COL26A1: variants seen among roughly 807,000 people sequenced by gnomAD.
The protein encoded by COL26A1 is collagen type XXVI alpha 1 chain, also known as collagen alpha-1(XXVI) chain.
In COL26A1, 41 loss-of-function variants were observed where a neutral mutation model predicts 59.3. The observed-to-expected ratio is 0.69, with a 90% CI of 0.54 to 0.90. COL26A1 has a LOEUF of 0.90. Among genes scored for constraint, COL26A1 ranks in the 40% least tolerant of loss-of-function variants. The probability of loss-of-function intolerance (pLI) is 0.00; values close to 1 mark genes in which losing one functional copy is unlikely to be tolerated. For missense variants in COL26A1, 612 were observed against 602.3 expected, an observed-to-expected ratio of 1.02 and a Z score of -0.17; for synonymous variants, 266 against 256.0, an observed-to-expected ratio of 1.04 and a Z score of -0.37.
chr7:101,467,140 G>A (rs1280057066), intron 3 of COL26A1, among the ~76,000 whole-genome samples: 3 of 152,040 alleles, frequency 2.0e-5, no homozygotes, highest in Admixed American at 2.0e-4. Flanking sequence ...GTAGACAGAG[G>A]CCGGAAGTCA....
chr7:101,481,528 G>A (rs1794157273), intron 3 of COL26A1, among the ~76,000 whole-genome samples: 1 of 150,878 alleles, frequency 6.6e-6, no homozygotes, highest in Non-Finnish European at 1.5e-5. Context: ...ATAGCTCACT[G>A]CCATCTCAAA....
At chr7:101,504,745 T>G (rs1794771071) in intron 3 of COL26A1, among the ~76,000 whole-genome samples, 1 of 152,242 alleles carries the variant, frequency 6.6e-6, no homozygotes, top group Non-Finnish European at 1.5e-5. Flanking sequence ...AGCGATTCAG[T>G]GAATTTTCCA....
chr7:101,442,405 C>T (rs1793080846), intron 2 of COL26A1, among the ~76,000 whole-genome samples: 1 of 151,234 alleles, frequency 6.6e-6, no homozygotes, highest in Admixed American at 6.6e-5. Context: ...CGGCTCACTG[C>T]AACCTCCGCC....
At chr7:101,425,503 T>G (rs563181459) in intron 2 of COL26A1, among the ~76,000 whole-genome samples, 156 of 152,226 alleles carry the variant, frequency 1.0e-3, no homozygotes, top group Middle Eastern at 0.01. Flanking sequence ...CAGAGAACTC[T>G]GGGTTTTGTT....
intron 3 of COL26A1, among the ~76,000 whole-genome samples, chr7:101,449,172 C>T (rs1348672886): frequency 6.6e-6 from 1 of 152,120 alleles, no homozygotes; most frequent in African/African-American, 2.4e-5. Flanking sequence ...GAAGGACCTC[C>T]AAGGTGAAGG....
chr7:101,549,843 G>C (rs984845076), intron 9 of COL26A1, among the ~76,000 whole-genome samples: 1 of 152,190 alleles, frequency 6.6e-6, no homozygotes, highest in Non-Finnish European at 1.5e-5. Flanking sequence ...AGGCAGAGTT[G>C]GGCCAGGTCA....
At chr7:101,442,164 T>C (rs1351362654) in intron 2 of COL26A1, among the ~76,000 whole-genome samples, 1 of 152,150 alleles carries the variant, frequency 6.6e-6, no homozygotes, top group Non-Finnish European at 1.5e-5. Flanking sequence ...GACTCTGTAG[T>C]TTTTCTGGTC....
At position 101,417,616 on chromosome 7, in the gene COL26A1, C is replaced by G. The variant is rs570625569; in HGVS notation, c.159-2361C>G. ...TATAGATACAGGTATATCTATATAT[C>G]TAGACATAGATATAGAGATATATCT... is the stretch of plus-strand genomic sequence containing the variant. On this transcript the variant is annotated intron_variant, in intron 1 of 12. Transcript: ENST00000313669. Among the ~76,000 whole-genome samples, 3 of 37,508 alleles carry G rather than the reference C, an allele frequency of 8.0e-5. No homozygotes were observed. In the South Asian group the frequency reaches 4.5e-3, roughly 56 times the overall value. The allele number at this position is 37,508 out of a possible 152,430, so 24.6% of individuals were successfully genotyped here. A position where few individuals can be genotyped will look rare whatever the true frequency, so the allele number is the denominator to read the frequency against.
chr7:101,524,972 T>C (rs1312035850), intron 3 of COL26A1, among the ~76,000 whole-genome samples: 1 of 152,152 alleles, frequency 6.6e-6, no homozygotes, highest in Non-Finnish European at 1.5e-5. Context: ...CCCAGGGTTA[T>C]AGACAGACTT....
intron 1 of COL26A1, among the ~76,000 whole-genome samples, chr7:101,400,797 G>A (rs1020543592): frequency 2.0e-5 from 3 of 152,138 alleles, no homozygotes; most frequent in South Asian, 2.1e-4. Context: ...GACCTCAGGT[G>A]ATCCACCCAC....
chr7:101,457,808 A>ACAT (rs1584424174), intron 3 of COL26A1, among the ~76,000 whole-genome samples: 1 of 152,036 alleles, frequency 6.6e-6, no homozygotes, highest in East Asian at 1.9e-4. Flanking sequence ...TTTTACATAT[A>ACAT]CATGTGTAGT....
At chr7:101,467,821 C>A (rs13222791) in intron 3 of COL26A1, among the ~76,000 whole-genome samples, 34,660 of 151,934 alleles carry the variant, frequency 0.23, 4,771 homozygotes, top group Non-Finnish European at 0.32. Flanking sequence ...GAGCCGAGAT[C>A]GCGCCACTGC....
In COL26A1 at chr7:101,557,879, C is replaced by T. The variant is rs1405794906; in HGVS notation, c.*349C>T. 1 of 198,212 alleles carries T rather than the reference C, an allele frequency of 5.0e-6. No individual in the cohort carries two copies. Among genetic ancestry groups the T allele is most frequent in the Non-Finnish European group, 1.0e-5 (1 of 97,894 alleles). 12.3% of individuals were successfully genotyped at this position (198,212 alleles called of 1,614,324 possible). On this transcript the variant is annotated 3_prime_UTR_variant, in exon 13 of 13. Transcript: ENST00000313669. ...CCAGGGAACTTTCGTTACGTTGTCT[C>T]ATTATTTAACCCTTAGGAGGTAAGC...
At position 101,470,127 on chromosome 7, in the gene COL26A1, C is replaced by CA. The variant is rs1190308185; in HGVS notation, c.385+22341dup. 1.0e-4 allele frequency among the ~76,000 whole-genome samples: 15 copies of CA among 147,494 alleles called. 1 individual carries two copies. Among genetic ancestry groups the CA allele is most frequent in the South Asian group, 4.3e-4 (2 of 4,624 alleles). On this transcript the variant is annotated intron_variant, in intron 3 of 12. Transcript: ENST00000313669. The stretch of plus-strand genomic sequence containing the variant: ...TTTTGTTTTTTTTTTTTTTTCGAGA[C>CA]AGAGTCTGGCTCTGTCATCCAGGAT...
At chr7:101,417,497 CTT>C (rs763020003) in intron 1 of COL26A1, among the ~76,000 whole-genome samples, 16 of 133,808 alleles carry the variant, frequency 1.2e-4, no homozygotes, top group Admixed American at 2.3e-4. Context: ...TGCCTAATAT[CTT>C]TTTTTTTTTT....
At chr7:101,455,210 T>G (rs776300762) in intron 3 of COL26A1, among the ~76,000 whole-genome samples, 4 of 151,654 alleles carry the variant, frequency 2.6e-5, no homozygotes, top group African/African-American at 4.8e-5. Context: ...ACCTGGCTAA[T>G]TTTTGTGTAT....
chr7:101,468,615 T>G (rs1261681653), intron 3 of COL26A1, among the ~76,000 whole-genome samples: 2 of 152,234 alleles, frequency 1.3e-5, no homozygotes, highest in Non-Finnish European at 2.9e-5. Flanking sequence ...CTTCCCATGA[T>G]GCCATGTCTA....
intron 3 of COL26A1, among the ~76,000 whole-genome samples, chr7:101,453,033 G>A (rs1793381824): frequency 6.6e-6 from 1 of 152,168 alleles, no homozygotes; most frequent in Non-Finnish European, 1.5e-5. Flanking sequence ...TTACAGGCGT[G>A]AGCCACTGTG....
intron 3 of COL26A1, among the ~76,000 whole-genome samples, chr7:101,526,074 G>A (rs149777919): frequency 0.03 from 4,561 of 151,384 alleles, 87 homozygotes; most frequent in African/African-American, 0.036. Flanking sequence ...TTGAGACAGA[G>A]TTTCGCTCTT....
Sources: gnomAD v4.1 joint callset for allele counts (sites outside exome capture counted in the v4.1 genomes callset) on GRCh38, gnomAD v4.1.1 for gene constraint, MANE v1.5 for transcripts, NCBI Gene and HGNC (gene_info 2026-07-23, HGNC 2026-07-21) for gene names.